Variants in HEPHL1 observed in about 807,000 individuals in gnomAD.
HEPHL1 encodes hephaestin like 1, also known as ferroxidase HEPHL1.
In HEPHL1, 123 loss-of-function variants were observed where a neutral mutation model predicts 122.0. That is an observed-to-expected ratio of 1.01 (90% CI 0.87 to 1.17). The LOEUF (loss-of-function observed/expected upper bound fraction) is 1.17. Among genes scored for constraint, HEPHL1 ranks in the 50% most tolerant of loss-of-function variants. The probability of loss-of-function intolerance (pLI) is 0.00; values close to 1 mark genes in which losing one functional copy is unlikely to be tolerated. For missense variants in HEPHL1, 1,452 were observed against 1,430.5 expected (o/e 1.01, Z -0.24); for synonymous variants, 527 against 508.9 (o/e 1.04, Z -0.48).
chr11:94,058,633 A>C (rs1299282001), intron 2 of HEPHL1, among the ~76,000 whole-genome samples: 1 of 152,214 alleles, frequency 6.6e-6, no homozygotes, highest in Non-Finnish European at 1.5e-5. Context: ...TTAATGATAG[A>C]ATGAACTAGT....
In HEPHL1 at chr11:94,070,506, A is replaced by G. The variant is rs61733350; in HGVS notation, c.1196A>G (p.Asn399Ser). Residue 399 changes from asparagine (N) to serine (S), a missense_variant, in exon 6 of 20, where the codon AAC becomes AGC. By Grantham distance (46) the Asn-to-Ser change is conservative. Transcript: ENST00000315765. ...TGGGATTATGCTCCTCAAGGCTATA[A>G]CAAATTCAGTGGTCTTCCTCTAAAC... ...ILWDYAPQGY[N>S]KFSGLPLNAS... 424 of 1,611,352 alleles carry G rather than the reference A, an allele frequency of 2.6e-4. No individual in the cohort carries two copies. The African/African-American group carries it at 3.9e-3, about 15-fold the overall frequency.
At chr11:94,059,947 G>T (rs1276155827) in intron 2 of HEPHL1, among the ~76,000 whole-genome samples, 1 of 151,702 alleles carries the variant, frequency 6.6e-6, no homozygotes, top group East Asian at 1.9e-4. Context: ...TTCGAGACAA[G>T]TCCACTGCTT....
At chr11:94,094,846 GT>G (rs1045358443) in intron 13 of HEPHL1, among the ~76,000 whole-genome samples, 22 of 152,176 alleles carry the variant, frequency 1.4e-4, no homozygotes, top group African/African-American at 4.8e-4. Flanking sequence ...TGATAGGGTT[GT>G]TTTTTTCTTG....
At chr11:94,101,359 C>T (rs551015385) in intron 14 of HEPHL1, 24 bp downstream of exon 14, 36 of 1,599,480 alleles carry the variant, frequency 2.3e-5, no homozygotes, top group South Asian at 7.8e-5. Context: ...GAGGTCTGCT[C>T]CATCTTGAAG....
chr11:94,105,804 T>C (rs576006378), intron 16 of HEPHL1, among the ~76,000 whole-genome samples, 187 bp from the exon 17 acceptor site: 3 of 152,276 alleles, frequency 2.0e-5, no homozygotes, highest in African/African-American at 7.2e-5. Flanking sequence ...GCTCTCTTTG[T>C]AGAAGGATTT....
chr11:94,090,598 T>A (rs1182561153), intron 12 of HEPHL1, among the ~76,000 whole-genome samples: 3 of 152,194 alleles, frequency 2.0e-5, no homozygotes, highest in African/African-American at 7.2e-5. Context: ...CAAAGTGAGA[T>A]AAGGACAAGT....
At chr11:94,099,776 A>G (rs1178190427) in intron 13 of HEPHL1, among the ~76,000 whole-genome samples, 4 of 152,124 alleles carry the variant, frequency 2.6e-5, no homozygotes, top group Non-Finnish European at 4.4e-5. Context: ...TGTGCTAGCA[A>G]TGAGTGAGGC....
chr11:94,030,032 C>T (rs1463647948), intron 1 of HEPHL1, among the ~76,000 whole-genome samples: 2 of 152,164 alleles, frequency 1.3e-5, no homozygotes, highest in African/African-American at 4.8e-5. Context: ...ACTTTTGTGT[C>T]TTCATGTGTG....
chr11:94,100,228 T>C (rs925670584), intron 13 of HEPHL1, among the ~76,000 whole-genome samples: 2 of 152,240 alleles, frequency 1.3e-5, no homozygotes, highest in African/African-American at 4.8e-5. Context: ...TAGATTTATA[T>C]ATACCTTTCT....
intron 13 of HEPHL1, among the ~76,000 whole-genome samples, chr11:94,098,312 C>G (rs1406519084): frequency 6.6e-6 from 1 of 152,198 alleles, no homozygotes; most frequent in Non-Finnish European, 1.5e-5. Flanking sequence ...GTTGAAAATT[C>G]TTTTCTTTAA....
Position 94,075,367 on chromosome 11 carries a change from C to T in HEPHL1, c.1698C>T (p.Leu566=). 6.2e-7 allele frequency: 1 copy of T among 1,612,526 alleles called. No homozygotes were observed. The highest frequency in any genetic ancestry group is 8.5e-7 in the Non-Finnish European group (1 of 1,179,402). ...GPLLVCKKGV[L]NADGTQKGID... ...TGCTAGTCTGTAAAAAGGGCGTCCT[C>T]AATGCTGATGGGACACAGGTAGGCC... The change falls in exon 9 of 20, where the codon CTC becomes CTT. Residue 566 remains leucine (L), a synonymous_variant. Coordinates refer to ENST00000315765, the MANE Select transcript of HEPHL1 (RefSeq NM_001098672.2).
intron 10 of HEPHL1, among the ~76,000 whole-genome samples, chr11:94,084,688 A>T (rs1388913782): frequency 6.6e-6 from 1 of 152,210 alleles, no homozygotes; most frequent in African/African-American, 2.4e-5. Flanking sequence ...CCAGCCAAGG[A>T]CTGAATTTAT....
intron 1 of HEPHL1, among the ~76,000 whole-genome samples, chr11:94,035,362 T>A (rs911070217): frequency 6.6e-6 from 1 of 152,242 alleles, no homozygotes; most frequent in Admixed American, 6.5e-5. Context: ...CAAAACAACA[T>A]CTAGCCCAGT....
At chr11:94,078,476 T>TATATATATATATATATATATA (rs1946144722) in intron 9 of HEPHL1, among the ~76,000 whole-genome samples, 1 of 125,836 alleles carries the variant, frequency 7.9e-6, no homozygotes, top group Non-Finnish European at 1.7e-5. Flanking sequence ...TATATATATA[T>TATATATATATATATATATATA]GGAGAAAGAG....
chr11:94,078,473 A>ATATATATATATATATATG (rs1946144627), intron 9 of HEPHL1, among the ~76,000 whole-genome samples: 1 of 147,672 alleles, frequency 6.8e-6, no homozygotes, highest in Non-Finnish European at 1.5e-5. Flanking sequence ...ATATATATAT[A>ATATATATATATATATATG]TATGGAGAAA....
chr11:94,062,001 A>G (rs1945988372), intron 2 of HEPHL1, among the ~76,000 whole-genome samples: 1 of 152,144 alleles, frequency 6.6e-6, no homozygotes, highest in Non-Finnish European at 1.5e-5. Context: ...CCTAAATATA[A>G]TCAGGAAATT....
chr11:94,094,379 T>C (rs2134447042), intron 13 of HEPHL1, among the ~76,000 whole-genome samples: 1 of 152,294 alleles, frequency 6.6e-6, no homozygotes, highest in East Asian at 1.9e-4. Flanking sequence ...GTGCCACATT[T>C]TCTTAATCCA....
At position 94,103,029 on chromosome 11, in the gene HEPHL1, G is replaced by C; in HGVS notation, c.2682+9G>C. ...CAGTAAACTTTGTGAAGGTAAGGTG[G>C]AGAAAGCAACCAAAAGGCTTAAAAT... On this transcript the variant is annotated intron_variant, in intron 15 of 19. Coordinates refer to ENST00000315765, the MANE Select transcript of HEPHL1 (RefSeq NM_001098672.2). 6.7e-7 allele frequency: 1 copy of C among 1,487,216 alleles called. No individual in the cohort carries two copies. Among genetic ancestry groups the C allele is most frequent in the Non-Finnish European group, 9.4e-7 (1 of 1,064,996 alleles). The allele number at this position is 1,487,216 out of a possible 1,614,324, so 92.1% of individuals were successfully genotyped here. A position where few individuals can be genotyped will look rare whatever the true frequency, so the allele number is the denominator to read the frequency against.
rs769894247 is a variant in HEPHL1 at position 94,063,655 on chromosome 11, C to T, written c.563C>T (p.Ser188Leu). Residue 188 changes from serine (S) to leucine (L), a missense_variant, in exon 3 of 20, where the codon TCG becomes TTG. Ser to Leu is a moderately radical substitution (Grantham distance 145, BLOSUM62 -2). Transcript: ENST00000315765. ...DANCLTWVYH[S>L]HIDAPKDICS... ...AACTGCCTGACCTGGGTGTACCATT[C>T]GCACATCGACGCCCCAAAGGACATC... is the stretch of plus-strand genomic sequence containing the variant. The T allele has an allele frequency of 3.5e-5, 57 of 1,613,748 alleles. No individual in the cohort carries two copies. In the Middle Eastern group the frequency reaches 1.3e-3, roughly 37 times the overall value.
Sources: gnomAD v4.1 joint callset for allele counts (sites outside exome capture counted in the v4.1 genomes callset) on GRCh38, gnomAD v4.1.1 for gene constraint, MANE v1.5 for transcripts, NCBI Gene and HGNC (gene_info 2026-07-23, HGNC 2026-07-21) for gene names.